Variants in LPIN2 observed in about 807,000 individuals in gnomAD.
The protein encoded by LPIN2 is lipin 2.
LPIN2 carries 55 observed loss-of-function variants against 111.4 expected under a neutral mutation model. The ratio of observed to expected loss-of-function variants is 0.49; its 90% CI spans 0.40 to 0.62. The LOEUF is 0.62. Among genes scored for constraint, LPIN2 ranks in the 20% least tolerant of loss-of-function variants. LPIN2 has a pLI of 0.00. For synonymous variants in LPIN2, 425 were observed against 414.0 expected, an observed-to-expected ratio of 1.03 and a Z score of -0.32; for missense variants, 992 against 1,112.1, an observed-to-expected ratio of 0.89 and a Z score of 1.54.
chr18:2,949,925 C>T (rs1316589663), intron 4 of LPIN2, among the ~76,000 whole-genome samples: 2 of 152,012 alleles, frequency 1.3e-5, no homozygotes, highest in Admixed American at 1.3e-4. Flanking sequence ...ATAGCAAGAC[C>T]TCAACTCTAC....
intron 1 of LPIN2, among the ~76,000 whole-genome samples, chr18:2,981,741 ACT>A (rs1365582366): frequency 2.0e-5 from 3 of 152,044 alleles, no homozygotes; most frequent in East Asian, 3.9e-4. Flanking sequence ...GTTCCTGAGA[ACT>A]CTGAGTAAGT....
chr18:3,008,855 A>G (rs890353250), intron 1 of LPIN2, among the ~76,000 whole-genome samples: 3 of 149,704 alleles, frequency 2.0e-5, no homozygotes, highest in African/African-American at 7.4e-5. Flanking sequence ...GGGATCACAC[A>G]GGTGCCCGCA....
chr18:2,931,429 C>G lies in LPIN2; in HGVS notation c.1283G>C (p.Gly428Ala). 6.3e-7 allele frequency: 1 copy of G among 1,591,846 alleles called. No individual in the cohort carries two copies. Among genetic ancestry groups the G allele is most frequent in the Non-Finnish European group, 8.6e-7 (1 of 1,168,826 alleles). The change falls in exon 9 of 20, where the codon GGT (glycine) becomes GCT (alanine). Residue 428 changes from glycine (G) to alanine (A), a missense_variant. Physicochemically the swap from Gly to Ala is moderately conservative, Grantham distance 60. Coordinates refer to ENST00000677752, the MANE Select transcript of LPIN2 (RefSeq NM_001375808.2). ...LYFPKSESEP[G>A]SRQWPESDTL... ...GTCAGACTCGGGCCACTGCCTGGAA[C>G]CGGGCTCCGATTCACTGTGGACAGG...
rs535931758 is a variant in LPIN2 at position 2,946,506 on chromosome 18, C to T, written c.590+4549G>A. ...TTGGTCTCAGGATCGAAGCGCTGAC[C>T]GCAGCTCCGGTTGTAGCACAGCAAG... On this transcript the variant is annotated intron_variant, in intron 4 of 19. Coordinates refer to ENST00000677752, the MANE Select transcript of LPIN2 (RefSeq NM_001375808.2). 3.3e-5 allele frequency: 51 copies of T among 1,566,166 alleles called. No homozygotes were observed. In the African/African-American group the frequency reaches 3.7e-4, roughly 11 times the overall value.
intron 1 of LPIN2, among the ~76,000 whole-genome samples, chr18:2,984,543 CTAG>C (rs1450267428): frequency 6.6e-6 from 1 of 150,736 alleles, no homozygotes; most frequent in East Asian, 2.0e-4. Context: ...GAAGGGGAGG[CTAG>C]TAGGAGAAAG....
intron 1 of LPIN2, among the ~76,000 whole-genome samples, chr18:2,968,528 T>C (rs760036035): frequency 2.6e-5 from 4 of 152,162 alleles, no homozygotes; most frequent in Non-Finnish European, 5.9e-5. Context: ...TCCCTTATGA[T>C]AATGCTATTT....
At chr18:2,969,716 C>T (rs1229565707) in intron 1 of LPIN2, among the ~76,000 whole-genome samples, 4 of 152,156 alleles carry the variant, frequency 2.6e-5, no homozygotes, top group African/African-American at 9.7e-5. Context: ...CAAATACACG[C>T]TCATGAACCC....
intron 1 of LPIN2, among the ~76,000 whole-genome samples, chr18:2,990,347 A>T (rs1453468506): frequency 1.3e-5 from 2 of 152,236 alleles, no homozygotes; most frequent in Admixed American, 6.5e-5. Flanking sequence ...AAAGGACATG[A>T]TCAAGAAAAA....
At position 2,940,688 on chromosome 18, in the gene LPIN2, T is replaced by C; in HGVS notation, c.615A>G (p.Lys205=). Residue 205 remains lysine, a synonymous_variant, in exon 5 of 20, where the codon AAA becomes AAG. Transcript: ENST00000677752. ...AARGSSNASL[K]EEECKEPLLF... is the part of the protein sequence containing the mutation. Reference sequence around the variant, plus strand: ...GCAAAGGCTCTTTACATTCTTCTTCTTTCAAGGAAGCATTTGAAGATCCTC... The same window carrying C: ...GCAAAGGCTCTTTACATTCTTCTTCCTTCAAGGAAGCATTTGAAGATCCTC... The C allele has an allele frequency of 6.2e-7, 1 of 1,612,466 alleles. No homozygotes were observed. The highest frequency in any genetic ancestry group is 2.2e-5 in the East Asian group (1 of 44,828).
At chr18:2,991,263 T>TA (rs760146308) in intron 1 of LPIN2, among the ~76,000 whole-genome samples, 4 of 152,252 alleles carry the variant, frequency 2.6e-5, no homozygotes, top group Non-Finnish European at 5.9e-5. Flanking sequence ...GTGCAGTTTT[T>TA]ATCTATATTG....
intron 1 of LPIN2, among the ~76,000 whole-genome samples, chr18:2,989,812 C>T (rs1462397563): frequency 6.6e-6 from 1 of 151,434 alleles, no homozygotes; most frequent in Non-Finnish European, 1.5e-5. Flanking sequence ...CCCAGCCACT[C>T]GGGAGGCTGA....
At chr18:2,924,981 G>T (rs1041383781) in intron 14 of LPIN2, among the ~76,000 whole-genome samples, 2 of 152,182 alleles carry the variant, frequency 1.3e-5, no homozygotes, top group African/African-American at 2.4e-5. Context: ...GTGTACGACT[G>T]ACTCTCAAGA....
At chr18:2,968,061 C>A (rs1339409739) in intron 1 of LPIN2, among the ~76,000 whole-genome samples, 2 of 152,128 alleles carry the variant, frequency 1.3e-5, no homozygotes, top group Non-Finnish European at 2.9e-5. Flanking sequence ...GAGAAAGAGC[C>A]CCAAATGTCT....
At chr18:2,946,920 TTCTC>T (rs1046444805) in intron 4 of LPIN2, 7 of 264,624 alleles carry the variant, frequency 2.6e-5, no homozygotes, top group East Asian at 1.1e-4. Flanking sequence ...CCTGCAATAC[TTCTC>T]TCTGTGTTCT....
intron 2 of LPIN2, among the ~76,000 whole-genome samples, chr18:2,958,375 AGT>A (rs1251635399): frequency 6.6e-6 from 1 of 151,962 alleles, no homozygotes; most frequent in African/African-American, 2.4e-5. Context: ...CTCTCTAAAC[AGT>A]GGTTTTAAGG....
Position 2,951,101 on chromosome 18 carries a change from C to T in LPIN2, c.544G>A (p.Asp182Asn), listed in dbSNP as rs1407966324. ...TCATCATCGGAGCTCACGCCTACATCACATGTGTCTTCTGCAGCAGCAGAT... is the reference window on the plus strand; with the variant it reads ...TCATCATCGGAGCTCACGCCTACATTACATGTGTCTTCTGCAGCAGCAGAT... ...AASAAAEDTC[D>N]VGVSSDDDKG... is the part of the protein sequence containing the mutation. The change falls in exon 4 of 20, where the codon GAT becomes AAT. Residue 182 changes from aspartate (D) to asparagine (N), a missense_variant. Physicochemically the swap from Asp to Asn is conservative, Grantham distance 23. Coordinates refer to ENST00000677752, the MANE Select transcript of LPIN2 (RefSeq NM_001375808.2). 6.2e-7 allele frequency: 1 copy of T among 1,614,198 alleles called. No individual in the cohort carries two copies. The highest frequency in any genetic ancestry group is 2.2e-5 in the East Asian group (1 of 44,888).
At chr18:2,932,370 G>A (rs924831412) in intron 8 of LPIN2, among the ~76,000 whole-genome samples, 11 of 152,234 alleles carry the variant, frequency 7.2e-5, no homozygotes, top group Non-Finnish European at 1.6e-4. Flanking sequence ...TCTCATCTTT[G>A]AGCAGTAGGT....
At chr18:2,983,054 C>A (rs1398748455) in intron 1 of LPIN2, among the ~76,000 whole-genome samples, 1 of 152,206 alleles carries the variant, frequency 6.6e-6, no homozygotes, top group African/African-American at 2.4e-5. Context: ...TGCCCAATCA[C>A]ATGATGGCCA....
intron 2 of LPIN2, among the ~76,000 whole-genome samples, chr18:2,958,141 C>CAAAAAAAAAAAAAAACAA (rs2077642694): frequency 3.3e-4 from 4 of 11,954 alleles, no homozygotes; most frequent in African/African-American, 7.8e-4. Context: ...GACTCCATCT[C>CAAAAAAAAAAAAAAACAA]AAAAAAAAAA....
Sources: allele counts gnomAD v4.1 joint callset (sites outside exome capture counted in the v4.1 genomes callset), GRCh38; gene constraint gnomAD v4.1.1; transcripts MANE v1.5; gene names NCBI Gene and HGNC (gene_info 2026-07-23, HGNC 2026-07-21).